DMD: variants seen among roughly 807,000 people sequenced by gnomAD.
The protein encoded by DMD is mutant dystrophin.
DMD carries 63 observed loss-of-function variants against 330.1 expected under a neutral mutation model. The ratio of observed to expected loss-of-function variants is 0.19; its 90% confidence interval spans 0.16 to 0.24. The LOEUF (loss-of-function observed/expected upper bound fraction) is 0.24. DMD is among the 10% of genes least tolerant of loss of function. DMD has a pLI of 1.00. For missense variants in DMD, 3,344 were observed against 2,684.1 expected (o/e 1.25, Z -5.43); for synonymous variants, 1,223 against 959.8 (o/e 1.27, Z -5.07).
intron 48 of DMD, among the ~76,000 whole-genome samples, chrX:31,863,291 T>C (rs971371983): frequency 1.1e-4 from 12 of 112,205 alleles, no homozygotes; most frequent in African/African-American, 2.9e-4. Context: ...TGCAGTGAGC[T>C]GAGATCACGC....
rs139409763 is a variant in DMD at position 31,581,875 on chromosome X, G to C, written c.8217+45798C>G. ...CAGATGTTGACCGTAAATTTCTTTC[G>C]ACTTTGCTGTATGATTAGCCATTTT... On this transcript the variant is annotated intron_variant, in intron 55 of 78. Coordinates refer to ENST00000357033, the MANE Select transcript of DMD (RefSeq NM_004006.3). Among the ~76,000 whole-genome samples, 260 of 111,589 alleles carry C rather than the reference G, an allele frequency of 2.3e-3. 1 individual carries two copies. Among genetic ancestry groups the C allele is most frequent in the African/African-American group, 7.5e-3 (232 of 30,759 alleles).
At chrX:32,904,629 C>T (rs774030202) in intron 2 of DMD, among the ~76,000 whole-genome samples, 13 of 112,160 alleles carry the variant, frequency 1.2e-4, no homozygotes, top group Non-Finnish European at 2.3e-4. Flanking sequence ...GGCTGGAGTG[C>T]AATGGCGGAT....
chrX:32,101,592 T>G lies in DMD; in HGVS notation c.6438+115324A>C, dbSNP rs190528988. ...TTATTTTCTTCTAAACATTTCTAAT[T>G]TTCCCATTTCTTGAAAAGAACTTTT... On this transcript the variant is annotated intron_variant, in intron 44 of 78. Transcript: ENST00000357033. Among the ~76,000 whole-genome samples, 5 of 112,133 alleles carry G rather than the reference T, an allele frequency of 4.5e-5. No homozygotes were observed. The East Asian group carries it at 1.4e-3, about 31-fold the overall frequency.
intron 3 of DMD, among the ~76,000 whole-genome samples, chrX:32,847,407 G>C (rs1324830233): frequency 9.0e-6 from 1 of 111,579 alleles, no homozygotes; most frequent in East Asian, 2.8e-4. Flanking sequence ...TTTAACCCTG[G>C]GGATGTCCTG....
At chrX:32,673,781 G>A (rs1034781640) in intron 9 of DMD, among the ~76,000 whole-genome samples, 13 of 112,137 alleles carry the variant, frequency 1.2e-4, no homozygotes, top group African/African-American at 4.2e-4. Flanking sequence ...AATTTTCTCA[G>A]TCAGGGGATT....
intron 64 of DMD, among the ~76,000 whole-genome samples, chrX:31,216,728 T>C: frequency 9.0e-6 from 1 of 111,396 alleles, no homozygotes. Context: ...GAGTCTTCTT[T>C]AGCAACTGAA....
intron 43 of DMD, among the ~76,000 whole-genome samples, chrX:32,249,287 A>T (rs981258381): frequency 1.8e-5 from 2 of 112,132 alleles, no homozygotes; most frequent in African/African-American, 6.5e-5. Flanking sequence ...TTTTGTAAAC[A>T]TATAGCTTTA....
chrX:31,439,339 T>C (rs1229980445), intron 60 of DMD, among the ~76,000 whole-genome samples: 1 of 111,332 alleles, frequency 9.0e-6, no homozygotes, highest in Non-Finnish European at 1.9e-5. Flanking sequence ...AGGTACACAG[T>C]AGATGCTCAA....
intron 15 of DMD, among the ~76,000 whole-genome samples, chrX:32,569,022 A>G (rs2149111080): frequency 8.9e-6 from 1 of 112,133 alleles, no homozygotes; most frequent in South Asian, 3.8e-4. Context: ...TCAGGTGGCA[A>G]AAGGAAGATC....
intron 49 of DMD, among the ~76,000 whole-genome samples, chrX:31,830,221 C>G: frequency 8.9e-6 from 1 of 112,539 alleles, no homozygotes; most frequent in Non-Finnish European, 1.9e-5. Flanking sequence ...TCATTGTAAA[C>G]GAGTCTTTCA....
intron 7 of DMD, among the ~76,000 whole-genome samples, chrX:32,731,447 C>T (rs1033760472): frequency 1.8e-5 from 2 of 112,837 alleles, no homozygotes; most frequent in African/African-American, 3.2e-5. Context: ...GTAGGCTCCA[C>T]CTCTGAGGGC....
At chrX:32,237,372 TAAC>T (rs2097191963) in intron 43 of DMD, among the ~76,000 whole-genome samples, 2 of 110,947 alleles carry the variant, frequency 1.8e-5, no homozygotes, top group Non-Finnish European at 3.8e-5. Context: ...TTTTTCTTGG[TAAC>T]AAAATTCCTG....
chrX:32,387,374 G>A (rs1231433291), intron 32 of DMD, among the ~76,000 whole-genome samples: 10 of 110,816 alleles, frequency 9.0e-5, no homozygotes, highest in African/African-American at 2.3e-4. Context: ...ACGTATACAC[G>A]TATATATAAT....
At chrX:32,063,254 C>T (rs1454561279) in intron 44 of DMD, among the ~76,000 whole-genome samples, 2 of 108,770 alleles carry the variant, frequency 1.8e-5, no homozygotes, top group Admixed American at 9.9e-5. Flanking sequence ...TCTGAATATG[C>T]CTTCACTATA....
chrX:31,880,612 A>G (rs1225714484), intron 47 of DMD, among the ~76,000 whole-genome samples: 1 of 112,304 alleles, frequency 8.9e-6, no homozygotes, highest in Non-Finnish European at 1.9e-5. Flanking sequence ...CTGGAAAACA[A>G]GCAATTTTAT....
At chrX:32,486,606 C>T (rs1483208847) in intron 20 of DMD, among the ~76,000 whole-genome samples, 1 of 109,804 alleles carries the variant, frequency 9.1e-6, no homozygotes, top group African/African-American at 3.3e-5. Flanking sequence ...AACTATACTA[C>T]AAGGCTACAG....
At chrX:32,687,536 C>T (rs1035248385) in intron 9 of DMD, among the ~76,000 whole-genome samples, 44 of 110,531 alleles carry the variant, frequency 4.0e-4, no homozygotes, top group African/African-American at 1.3e-3. Context: ...GTCACTTACT[C>T]TTGGAATCCA....
intron 9 of DMD, among the ~76,000 whole-genome samples, chrX:32,664,408 AT>A (rs377640823): frequency 0.011 from 1,194 of 108,981 alleles, 16 homozygotes; most frequent in Admixed American, 0.033. Flanking sequence ...CGGCCGGCAA[AT>A]TTTTTGTATT....
intron 9 of DMD, among the ~76,000 whole-genome samples, chrX:32,647,297 A>G (rs2059844260): frequency 8.9e-6 from 1 of 112,033 alleles, no homozygotes; most frequent in South Asian, 3.7e-4. Context: ...ATTTGCATAT[A>G]GCATTTTCAA....
Sources: gnomAD v4.1 joint callset for allele counts (sites outside exome capture counted in the v4.1 genomes callset) on GRCh38, gnomAD v4.1.1 for gene constraint, MANE v1.5 for transcripts, NCBI Gene and HGNC (gene_info 2026-07-23, HGNC 2026-07-21) for gene names.